The following ALDH1L1 variants were observed in gnomAD, a reference collection of about 807,000 sequenced individuals.
ALDH1L1 encodes the protein cytosolic 10-formyltetrahydrofolate dehydrogenase.
A neutral mutation model predicts 101.1 loss-of-function variants in ALDH1L1; 68 were observed. The ratio of observed to expected loss-of-function variants is 0.67; its 90% CI spans 0.55 to 0.82. The LOEUF is 0.82. Among genes scored for constraint, ALDH1L1 ranks in the 40% least tolerant of loss-of-function variants. ALDH1L1 has a pLI of 0.00. For missense variants in ALDH1L1, 1,087 were observed against 1,172.7 expected, an observed-to-expected ratio of 0.93 and a Z score of 1.07; for synonymous variants, 486 against 470.8, an observed-to-expected ratio of 1.03 and a Z score of -0.42.
chr3:126,118,892 C>A (rs2080027328), intron 16 of ALDH1L1, among the ~76,000 whole-genome samples: 2 of 152,134 alleles, frequency 1.3e-5, no homozygotes, highest in Admixed American at 6.5e-5. Context: ...CCACGCCCTG[C>A]ACAAACCCTG....
chr3:126,109,933 C>A lies in ALDH1L1; in HGVS notation c.2347+11G>T. The stretch of plus-strand genomic sequence containing the variant: ...AATTGACCCAAGCGGACCTGACACA[C>A]TCTGACTCACCTGGCCGAGGGACCT... On this transcript the variant is annotated intron_variant, in intron 20 of 22. Transcript: ENST00000393434. 6.2e-7 allele frequency: 1 copy of A among 1,613,342 alleles called. No homozygotes were observed. The highest frequency in any genetic ancestry group is 8.5e-7 in the Non-Finnish European group (1 of 1,179,848).
Position 126,137,809 on chromosome 3 carries a change from T to C in ALDH1L1, c.1224+4A>G. Reference sequence around the variant, plus strand: ...GCCTGCTGCAGGGAGGGCCCAGCACTCACGTAGTCAATGCTGCACTCGCCC... The same window carrying C: ...GCCTGCTGCAGGGAGGGCCCAGCACCCACGTAGTCAATGCTGCACTCGCCC... On this transcript the variant is annotated splice_donor_region_variant and intron_variant, in intron 10 of 22. Coordinates refer to ENST00000393434, the MANE Select transcript of ALDH1L1 (RefSeq NM_012190.4). 6.2e-7 allele frequency: 1 copy of C among 1,613,326 alleles called. No individual in the cohort carries two copies. The highest frequency in any genetic ancestry group is 8.5e-7 in the Non-Finnish European group (1 of 1,179,700).
At chr3:126,138,030 G>A (rs1197045464) in intron 9 of ALDH1L1, 70 bp from the exon 10 acceptor site, 34 of 1,583,724 alleles carry the variant, frequency 2.1e-5, no homozygotes, top group Non-Finnish European at 2.9e-5. Flanking sequence ...AGCAGCAGTG[G>A]CAGTGGGGCC....
chr3:126,180,790 G>A, upstream of ALDH1L1: 1 of 1,492,274 alleles, frequency 6.7e-7, no homozygotes, highest in African/African-American at 1.4e-5. Flanking sequence ...CTTAGGTCAA[G>A]AAGACTTACT....
Position 126,125,690 on chromosome 3 carries a change from G to A in ALDH1L1, c.1726C>T (p.Pro576Ser), listed in dbSNP as rs2080168713. ...GTCTTCCAGGACAGCATCATCAGGG[G>A]ATAGTTCCAGGGGATGATGATGCCA... ...VCGIIIPWNYPLMMLSWKTAA... is the reference protein window; with the variant it reads ...VCGIIIPWNYSLMMLSWKTAA... Residue 576 changes from proline (P) to serine (S), a missense_variant, in exon 15 of 23, where the codon CCC (proline) becomes TCC (serine). Physicochemically the swap from Pro to Ser is moderately conservative, Grantham distance 74. This residue lies in a region of ALDH1L1 where 442 missense variants were observed against 535.7 expected (regional missense o/e 0.83). Transcript: ENST00000393434. 1 of 1,593,016 alleles carries A rather than the reference G, an allele frequency of 6.3e-7. No homozygotes were observed. The highest frequency in any genetic ancestry group is 1.7e-5 in the Admixed American group (1 of 58,060).
At chr3:126,130,109 C>T in intron 14 of ALDH1L1, 114 bp downstream of exon 14, 1 of 958,116 alleles carries the variant, frequency 1.0e-6, no homozygotes, top group Non-Finnish European at 1.4e-6. Flanking sequence ...ACATGGATGG[C>T]TGTTTGATAA....
intron 9 of ALDH1L1, among the ~76,000 whole-genome samples, chr3:126,144,046 AAACAGTTGC>A (rs758364804): frequency 1.3e-5 from 2 of 152,262 alleles, no homozygotes; most frequent in Admixed American, 1.3e-4. Context: ...ACATGCAAAA[AAACAGTTGC>A]AACTCCATAA....
chr3:126,136,341 G>A (rs2080444493), intron 11 of ALDH1L1, among the ~76,000 whole-genome samples: 1 of 152,168 alleles, frequency 6.6e-6, no homozygotes, highest in South Asian at 2.1e-4. Flanking sequence ...GGCTCATGAT[G>A]CCACAAGGTC....
intron 17 of ALDH1L1, chr3:126,115,203 C>T (rs1186462180): frequency 5.0e-6 from 2 of 401,296 alleles, no homozygotes; most frequent in South Asian, 1.8e-5. Flanking sequence ...GGGGCACCTC[C>T]TTGTATTAGT....
chr3:126,109,568 A>T lies in ALDH1L1; in HGVS notation c.2347+376T>A, dbSNP rs542670733. Among the ~76,000 whole-genome samples, 12 of 152,236 alleles carry T rather than the reference A, an allele frequency of 7.9e-5. No individual in the cohort carries two copies. In the East Asian group the frequency reaches 2.1e-3, roughly 27 times the overall value. ...TGTTCCAAGCTAAGGATAGGCAGGGATGCACCTGCATTGAGAGAACAGGTG... is the reference window on the plus strand; with the variant it reads ...TGTTCCAAGCTAAGGATAGGCAGGGTTGCACCTGCATTGAGAGAACAGGTG... On this transcript the variant is annotated intron_variant, in intron 20 of 22. Transcript: ENST00000393434.
chr3:126,108,876 A>T (rs1462268740), intron 20 of ALDH1L1, among the ~76,000 whole-genome samples: 1 of 152,206 alleles, frequency 6.6e-6, no homozygotes, highest in African/African-American at 2.4e-5. Context: ...CCGAACTTGC[A>T]CTGCAGGAGG....
intron 16 of ALDH1L1, among the ~76,000 whole-genome samples, chr3:126,123,950 CTT>C (rs997921614): frequency 3.3e-5 from 5 of 152,126 alleles, no homozygotes; most frequent in African/African-American, 1.2e-4. Context: ...CAAGAAGAGA[CTT>C]TTCCATAAAC....
chr3:126,118,094 G>A lies in ALDH1L1; in HGVS notation c.1893C>T (p.Ser631=), dbSNP rs781559842. ...GVVNVLPGSG[S]LVGQRLSDHP... is the part of the protein sequence containing the mutation. ...GGTCTGAGAGTCTCTGGCCGACCAG[G>A]GAGCCTGTGGGCGGGAGGGAGGGGG... The change falls in exon 17 of 23, where the codon TCC becomes TCT. Residue 631 remains serine (S), a synonymous_variant. Transcript: ENST00000393434. The A allele has an allele frequency of 1.1e-5, 17 of 1,613,260 alleles. No individual in the cohort carries two copies. The highest frequency in any genetic ancestry group is 3.3e-4 in the Middle Eastern group (2 of 6,084).
rs978443491 is a variant in ALDH1L1 at position 126,160,914 on chromosome 3, C to T, written c.66G>A (p.Glu22=). ...TGAACACACCCACCACTTCGTGGCC[C>T]TCCTTCCTCAGGTGGCAGTAAACTT... ...GQEVYCHLRK[E]GHEVVGVFTV... The change falls in exon 2 of 23, where the codon GAG becomes GAA. Residue 22 remains glutamate (E), a synonymous_variant. Transcript: ENST00000393434. The T allele has an allele frequency of 5.6e-6, 9 of 1,614,282 alleles. No homozygotes were observed. Among genetic ancestry groups the T allele is most frequent in the Admixed American group, 3.3e-5 (2 of 60,034 alleles).
chr3:126,123,616 T>C (rs6804279), intron 16 of ALDH1L1, among the ~76,000 whole-genome samples: 84,734 of 143,640 alleles, frequency 0.59, 25,195 homozygotes, highest in African/African-American at 0.67. Flanking sequence ...CTGAACTAAA[T>C]TTTCAACCCA....
At chr3:126,162,651 T>C (rs1376810536) in intron 1 of ALDH1L1, among the ~76,000 whole-genome samples, 1 of 152,230 alleles carries the variant, frequency 6.6e-6, no homozygotes, top group Non-Finnish European at 1.5e-5. Flanking sequence ...GCCTTTTTCA[T>C]CCTCGTATAA....
Position 126,152,726 on chromosome 3 carries a change from T to C in ALDH1L1, c.858+718A>G, listed in dbSNP as rs145605903. ...AGTGCATATGAACAGGAAGCTACCA[T>C]GGCCAAGACCAGCATCACGGCTTTG... is the stretch of plus-strand genomic sequence containing the variant. On this transcript the variant is annotated intron_variant, in intron 7 of 22. Coordinates refer to ENST00000393434, the MANE Select transcript of ALDH1L1 (RefSeq NM_012190.4). 4.7e-3 allele frequency: 756 copies of C among 159,554 alleles called. 9 individuals are homozygous for C. Among genetic ancestry groups the C allele is most frequent in the African/African-American group, 0.017 (715 of 41,570 alleles). 9.9% of individuals were successfully genotyped at this position (159,554 alleles called of 1,614,324 possible).
chr3:126,114,458 A>T, intron 18 of ALDH1L1, 99 bp downstream of exon 18: 1 of 979,124 alleles, frequency 1.0e-6, no homozygotes, highest in Non-Finnish European at 1.4e-6. Flanking sequence ...CCAGGGCTAC[A>T]CGTGTGAGTG....
intron 20 of ALDH1L1, chr3:126,108,183 T>C (rs757208321): frequency 1.3e-5 from 2 of 152,312 alleles, no homozygotes; most frequent in Non-Finnish European, 2.9e-5. Context: ...TGCCAGGGCA[T>C]GTGAGCCATG....
Sources: gnomAD v4.1 joint callset for allele counts (sites outside exome capture counted in the v4.1 genomes callset) on GRCh38, gnomAD v4.1.1 for gene constraint, gnomAD v4.1.1 regional missense constraint, MANE v1.5 for transcripts, NCBI Gene and HGNC (gene_info 2026-07-23, HGNC 2026-07-21) for gene names.